Variants in TUBGCP2 observed in about 807,000 individuals in gnomAD.
The protein encoded by TUBGCP2 is tubulin gamma complex component 2, also known as gamma-tubulin complex component 2.
In TUBGCP2, 55 loss-of-function variants were observed where a neutral mutation model predicts 92.2. The ratio of observed to expected loss-of-function variants is 0.60; its 90% confidence interval spans 0.48 to 0.75. The LOEUF (loss-of-function observed/expected upper bound fraction) is 0.75. TUBGCP2 is among the 30% of genes least tolerant of loss of function. The pLI is 0.00. For synonymous variants in TUBGCP2, 533 were observed against 505.2 expected (o/e 1.06, Z -0.74); for missense variants, 1,093 against 1,188.9 (o/e 0.92, Z 1.19).
At chr10:133,310,100 T>C (rs1223251135), upstream of TUBGCP2, 4 of 1,611,704 alleles carry the variant, frequency 2.5e-6, no homozygotes, top group Non-Finnish European at 2.5e-6. Flanking sequence ...GCAGCTCTGC[T>C]ACGGGGGCAT....
At chr10:133,289,112 A>G in intron 9 of TUBGCP2, 92 bp from the exon 10 acceptor site, 1 of 1,410,934 alleles carries the variant, frequency 7.1e-7, no homozygotes, top group Admixed American at 2.1e-5. Context: ...TGGAATGGAC[A>G]TTGAATGGGC....
At chr10:133,298,160 C>T (rs936666304) in intron 4 of TUBGCP2, 49 bp from the exon 5 acceptor site, 1 of 1,583,970 alleles carries the variant, frequency 6.3e-7, no homozygotes, top group Non-Finnish European at 8.6e-7. Context: ...CACTTTAGCG[C>T]AAACACTCAA....
At chr10:133,282,458 G>A (rs1398043415) in intron 15 of TUBGCP2, 116 bp from the exon 16 acceptor site, 2 of 1,373,836 alleles carry the variant, frequency 1.5e-6, no homozygotes, top group Non-Finnish European at 1.9e-6. Context: ...GCCTGCGGCT[G>A]GGGGTACACA....
chr10:133,284,983 A>T, intron 13 of TUBGCP2, 102 bp downstream of exon 13: 1 of 1,478,930 alleles, frequency 6.8e-7, no homozygotes, highest in Non-Finnish European at 9.0e-7. Context: ...AGAAGCCTAG[A>T]AAGCTGTCTA....
In TUBGCP2 at chr10:133,286,982, G is replaced by A. The variant is rs182645365; in HGVS notation, c.1722+1147C>T. ...GACAGGAGTAACAAAGATGACAGAA[G>A]AGAGAAAACAGAAAAATACAGTCAA... On this transcript the variant is annotated intron_variant, in intron 11 of 17. Transcript: ENST00000252936. Among the ~76,000 whole-genome samples the A allele has an allele frequency of 2.2e-3, 339 of 152,308 alleles. 3 individuals are homozygous for A. Among genetic ancestry groups the A allele is most frequent in the Middle Eastern group, 0.02 (6 of 294 alleles).
upstream of TUBGCP2, chr10:133,311,805 C>T: frequency 6.2e-7 from 1 of 1,613,438 alleles, no homozygotes; most frequent in Non-Finnish European, 8.5e-7. Context: ...GCAGCCTCCC[C>T]TGCACCGGCA....
chr10:133,311,990 C>T (rs773382171), upstream of TUBGCP2: 1 of 1,605,624 alleles, frequency 6.2e-7, no homozygotes, highest in Non-Finnish European at 8.5e-7. Context: ...AGAAGAAAGT[C>T]CAGATATCTC....
intron 14 of TUBGCP2, among the ~76,000 whole-genome samples, chr10:133,283,595 G>A (rs3008331): frequency 0.88 from 126,713 of 144,296 alleles, 55,764 homozygotes; most frequent in East Asian, 0.94. Flanking sequence ...GTGGCCAGCA[G>A]TGTGGGTGCA....
chr10:133,280,630 G>A (rs1846943200), intron 17 of TUBGCP2, among the ~76,000 whole-genome samples: 1 of 152,218 alleles, frequency 6.6e-6, no homozygotes, highest in African/African-American at 2.4e-5. Context: ...GGAGAGCTGG[G>A]CTAGCCTGAC....
chr10:133,309,884 C>T (rs747119853), upstream of TUBGCP2: 1 of 1,613,802 alleles, frequency 6.2e-7, no homozygotes, highest in Non-Finnish European at 8.5e-7. Context: ...GCTCCTTTTG[C>T]AAGCGGGCCT....
chr10:133,306,283 C>T (rs988012369), intron 1 of TUBGCP2, among the ~76,000 whole-genome samples: 1 of 152,202 alleles, frequency 6.6e-6, no homozygotes, highest in African/African-American at 2.4e-5. Context: ...TTCCGGCCAG[C>T]GGCCCCTTCA....
Position 133,288,371 on chromosome 10 carries a change from C to A in TUBGCP2, c.1542-62G>T. On this transcript the variant is annotated intron_variant, in intron 10 of 17. Coordinates refer to ENST00000252936, the MANE Select transcript of TUBGCP2 (RefSeq NM_006659.4). ...GCAGGTGCCCGCCACAGCCAGGGAG[C>A]AGGCGTGAGCACGTGCCCACCCGCA... 9 of 1,576,222 alleles carry A rather than the reference C, an allele frequency of 5.7e-6. No individual in the cohort carries two copies. The South Asian group carries it at 1.0e-4, about 18-fold the overall frequency.
chr10:133,299,139 G>A (rs1290860736), intron 4 of TUBGCP2, among the ~76,000 whole-genome samples: 1 of 152,190 alleles, frequency 6.6e-6, no homozygotes, highest in African/African-American at 2.4e-5. Context: ...GGTAGGCTCA[G>A]AGTCACGTGG....
chr10:133,292,795 G>A lies in TUBGCP2; in HGVS notation c.1025-107C>T, dbSNP rs147005846. 8.3e-4 allele frequency: 1,130 copies of A among 1,358,782 alleles called. 1 individual carries two copies. In the African/African-American group the frequency reaches 9.2e-3, roughly 11 times the overall value. The allele number at this position is 1,358,782 out of a possible 1,614,324, so 84.2% of individuals were successfully genotyped here. Reference sequence around the variant, plus strand: ...GCTTCTCCAACCTTCTTCCTGGGACGGTGCTGCTTCTTTGGGATACGTATT... The same window carrying A: ...GCTTCTCCAACCTTCTTCCTGGGACAGTGCTGCTTCTTTGGGATACGTATT... On this transcript the variant is annotated intron_variant, in intron 7 of 17. Coordinates refer to ENST00000252936, the MANE Select transcript of TUBGCP2 (RefSeq NM_006659.4).
At chr10:133,308,907 G>A, upstream of TUBGCP2, 2 of 1,209,028 alleles carry the variant, frequency 1.7e-6, no homozygotes, top group Non-Finnish European at 2.1e-6. Flanking sequence ...GCTCGCGGAC[G>A]GTGGCCGACA....
rs567115628 is a variant in TUBGCP2, at chr10:133,288,773, C to T, written c.1541+67G>A. 6.7e-7 allele frequency: 1 copy of T among 1,481,538 alleles called. No individual in the cohort carries two copies. Among genetic ancestry groups the T allele is most frequent in the East Asian group, 2.5e-5 (1 of 40,508 alleles). The allele number at this position is 1,481,538 out of a possible 1,614,324, so 91.8% of individuals were successfully genotyped here. A position where few individuals can be genotyped will look rare whatever the true frequency, so the allele number is the denominator to read the frequency against. On this transcript the variant is annotated intron_variant, in intron 10 of 17. Coordinates refer to ENST00000252936, the MANE Select transcript of TUBGCP2 (RefSeq NM_006659.4). ...CAGAAGAAACCCAGCGATCTCAGCC[C>T]CACGTCCCACAGGTTCCGGTTTCAG...
At position 133,289,911 on chromosome 10, in the gene TUBGCP2, C is replaced by T. The variant is rs761200870; in HGVS notation, c.1273G>A (p.Asp425Asn). 2.0e-5 allele frequency: 32 copies of T among 1,574,680 alleles called. No homozygotes were observed. The highest frequency in any genetic ancestry group is 3.4e-4 in the Middle Eastern group (2 of 5,964). ...GTGTACCGCTGGTCCCAGTACTTGT[C>T]GTTGTAATCCTCCTGGATCCTCTCC... ...RKERIQEDYN[D>N]KYWDQRYTIV... The change falls in exon 9 of 18, where the codon GAC (aspartate) becomes AAC (asparagine). Residue 425 changes from aspartate to asparagine, a missense_variant. Asp to Asn is a conservative substitution (Grantham distance 23). Around this residue, in one of 3 missense-constraint regions of TUBGCP2, gnomAD observed 598 missense variants for 675.5 expected, o/e 0.89. Coordinates refer to ENST00000252936, the MANE Select transcript of TUBGCP2 (RefSeq NM_006659.4).
intron 17 of TUBGCP2, among the ~76,000 whole-genome samples, chr10:133,280,699 G>A (rs1298799689): frequency 1.3e-5 from 2 of 152,236 alleles, no homozygotes; most frequent in Non-Finnish European, 2.9e-5. Context: ...CCCACCTTCT[G>A]AAGGAGGCTA....
At chr10:133,310,145 G>C (rs1847956310), upstream of TUBGCP2, 1 of 1,613,454 alleles carries the variant, frequency 6.2e-7, no homozygotes, top group African/African-American at 1.3e-5. Flanking sequence ...AGAGGGAGGT[G>C]ACACGGTCTC....
Sources: gnomAD v4.1 joint callset for allele counts (sites outside exome capture counted in the v4.1 genomes callset) on GRCh38, gnomAD v4.1.1 for gene constraint, gnomAD v4.1.1 regional missense constraint, MANE v1.5 for transcripts, NCBI Gene and HGNC (gene_info 2026-07-23, HGNC 2026-07-21) for gene names.